AUTS2: variants seen among roughly 807,000 people sequenced by gnomAD.
AUTS2 encodes autism susceptibility gene 2 protein.
In AUTS2, 17 loss-of-function variants were observed where a neutral mutation model predicts 112.4. The observed-to-expected ratio is 0.15, with a 90% confidence interval of 0.10 to 0.23. The LOEUF is 0.23. AUTS2 is among the 10% of genes least tolerant of loss of function. The pLI is 1.00. For missense variants in AUTS2, 1,510 were observed against 1,701.6 expected (o/e 0.89, Z 1.98); for synonymous variants, 751 against 702.7 (o/e 1.07, Z -1.09).
rs573021675 is a variant in AUTS2 at position 70,575,772 on chromosome 7, T to C, written c.691-122797T>C. Among the ~76,000 whole-genome samples the C allele has an allele frequency of 5.3e-5, 8 of 152,294 alleles. No individual in the cohort carries two copies. The East Asian group carries it at 1.5e-3, about 30-fold the overall frequency. On this transcript the variant is annotated intron_variant, in intron 5 of 18. Transcript: ENST00000342771. Reference sequence around the variant, plus strand: ...CCTTATACCCATTAGGAGCATATCATAGGAACTTCAGAAATAACCTGCTGC... The same window carrying C: ...CCTTATACCCATTAGGAGCATATCACAGGAACTTCAGAAATAACCTGCTGC...
At chr7:70,597,919 C>G (rs1353331890) in intron 5 of AUTS2, among the ~76,000 whole-genome samples, 1 of 152,190 alleles carries the variant, frequency 6.6e-6, no homozygotes, top group East Asian at 1.9e-4. Flanking sequence ...ACTACCTTCT[C>G]TAGAGAGCTT....
chr7:70,694,533 C>T lies in AUTS2; in HGVS notation c.691-4036C>T, dbSNP rs1808959167. 1 of 149,268 alleles carries T rather than the reference C, an allele frequency of 6.7e-6. No individual in the cohort carries two copies. Among genetic ancestry groups the T allele is most frequent in the African/African-American group, 2.4e-5 (1 of 41,058 alleles). The allele number at this position is 149,268 out of a possible 1,614,324, so 9.2% of individuals were successfully genotyped here. A position where few individuals can be genotyped will look rare whatever the true frequency, so the allele number is the denominator to read the frequency against. On this transcript the variant is annotated intron_variant, in intron 5 of 18. Transcript: ENST00000342771. The surrounding 1 kb of genome is among the most constrained non-coding windows in gnomAD (Gnocchi z 4.1). ...TCCCTCTCCCTCCTCCCTCCCTCCG[C>T]ACATGGTCTCCTTTGTCCTGTCGCC...
intron 5 of AUTS2, among the ~76,000 whole-genome samples, chr7:70,441,146 A>G (rs1434587192): frequency 1.3e-5 from 2 of 152,200 alleles, no homozygotes; most frequent in Non-Finnish European, 2.9e-5. Context: ...ACACAATCTC[A>G]CAGAAATGAA....
chr7:70,023,026 G>T (rs887907881), intron 2 of AUTS2, among the ~76,000 whole-genome samples: 1 of 152,026 alleles, frequency 6.6e-6, no homozygotes, highest in Non-Finnish European at 1.5e-5. Context: ...TAAATTTTTT[G>T]TAGAGACGGG....
chr7:70,606,446 T>C (rs1452669621), intron 5 of AUTS2, among the ~76,000 whole-genome samples: 1 of 152,250 alleles, frequency 6.6e-6, no homozygotes, highest in Non-Finnish European at 1.5e-5. Context: ...TAGCATTTAC[T>C]GTGCAGGCAC....
At chr7:70,659,253 G>A (rs923862294) in intron 5 of AUTS2, among the ~76,000 whole-genome samples, 2 of 152,194 alleles carry the variant, frequency 1.3e-5, no homozygotes, top group African/African-American at 2.4e-5. Context: ...CACGACTGGC[G>A]GTCCTCAGCC....
At chr7:70,419,722 A>C (rs906831859) in intron 4 of AUTS2, among the ~76,000 whole-genome samples, 5 of 152,226 alleles carry the variant, frequency 3.3e-5, no homozygotes, top group Non-Finnish European at 7.3e-5. Flanking sequence ...ATAGAAATTG[A>C]CATTCCTCCA....
At chr7:70,062,889 T>A (rs1802318206) in intron 2 of AUTS2, among the ~76,000 whole-genome samples, 1 of 152,228 alleles carries the variant, frequency 6.6e-6, no homozygotes, top group African/African-American at 2.4e-5. Context: ...ATTTGTCAAG[T>A]GGATACATTA....
intron 1 of AUTS2, among the ~76,000 whole-genome samples, chr7:69,714,865 A>AT (rs1798524997): frequency 6.6e-6 from 1 of 151,928 alleles, no homozygotes; most frequent in African/African-American, 2.4e-5. Flanking sequence ...CTTTCTGTAA[A>AT]TTTTTTAGCA....
At chr7:70,300,948 C>G (rs889058774) in intron 4 of AUTS2, among the ~76,000 whole-genome samples, 14 of 152,172 alleles carry the variant, frequency 9.2e-5, no homozygotes, top group East Asian at 1.9e-4. Flanking sequence ...AACACCTTTT[C>G]AAGCTCTTAA....
At chr7:69,800,653 C>T (rs1314493315) in intron 1 of AUTS2, among the ~76,000 whole-genome samples, 1 of 152,148 alleles carries the variant, frequency 6.6e-6, no homozygotes, top group Non-Finnish European at 1.5e-5. Context: ...AGAATTCTGG[C>T]AGAGTTTGAT....
chr7:70,207,292 C>T (rs1193762802), intron 4 of AUTS2, among the ~76,000 whole-genome samples: 1 of 152,168 alleles, frequency 6.6e-6, no homozygotes, highest in Non-Finnish European at 1.5e-5. Context: ...AATTACCAGT[C>T]TCTTCTCACA....
chr7:69,789,154 AG>A (rs1789505846), intron 1 of AUTS2, among the ~76,000 whole-genome samples: 1 of 152,160 alleles, frequency 6.6e-6, no homozygotes, highest in Non-Finnish European at 1.5e-5. Flanking sequence ...GCAGCATTTA[AG>A]GCCACTTTGA....
chr7:70,212,629 C>G (rs1446964505), intron 4 of AUTS2, among the ~76,000 whole-genome samples: 1 of 151,830 alleles, frequency 6.6e-6, no homozygotes, highest in Non-Finnish European at 1.5e-5. Flanking sequence ...AAAAAAATCT[C>G]TGGATTACTT....
chr7:70,398,360 A>G (rs1794178337), intron 4 of AUTS2, among the ~76,000 whole-genome samples: 1 of 152,220 alleles, frequency 6.6e-6, no homozygotes, highest in Non-Finnish European at 1.5e-5. Flanking sequence ...TACCTTATTG[A>G]GTCAAACCAT....
chr7:70,006,696 A>G (rs764811688), intron 2 of AUTS2, among the ~76,000 whole-genome samples: 2 of 152,114 alleles, frequency 1.3e-5, no homozygotes, highest in African/African-American at 2.4e-5. Flanking sequence ...CCTTTATACA[A>G]TGATCACATG....
At chr7:70,285,828 A>G (rs1340590558) in intron 4 of AUTS2, among the ~76,000 whole-genome samples, 1 of 152,234 alleles carries the variant, frequency 6.6e-6, no homozygotes, top group Non-Finnish European at 1.5e-5. Flanking sequence ...AGATGCTGGA[A>G]TATGTTAATG....
intron 1 of AUTS2, among the ~76,000 whole-genome samples, chr7:69,672,122 C>G (rs749778690): frequency 4.0e-5 from 6 of 151,804 alleles, no homozygotes; most frequent in African/African-American, 1.5e-4. Flanking sequence ...TGCAGTGGCA[C>G]GATCTCAGCT....
At chr7:69,770,285 A>G (rs1040379127) in intron 1 of AUTS2, among the ~76,000 whole-genome samples, 6 of 152,270 alleles carry the variant, frequency 3.9e-5, no homozygotes, top group Admixed American at 3.3e-4. Flanking sequence ...TGAGGACCAT[A>G]GAACTTTGTG....
Sources: allele counts gnomAD v4.1 joint callset (sites outside exome capture counted in the v4.1 genomes callset), GRCh38; gene constraint gnomAD v4.1.1; non-coding constraint Gnocchi (gnomAD v3.1); transcripts MANE v1.5; gene names NCBI Gene and HGNC (gene_info 2026-07-23, HGNC 2026-07-21).